Variants in MGLL observed in about 807,000 individuals in gnomAD.
MGLL encodes lysophospholipase homolog.
MGLL carries 7 observed loss-of-function variants against 29.1 expected under a neutral mutation model. The ratio of observed to expected loss-of-function variants is 0.24; its 90% CI spans 0.14 to 0.45. The LOEUF (loss-of-function observed/expected upper bound fraction) is 0.45. Ranked by LOEUF, MGLL falls within the 20% of genes least tolerant of loss-of-function variation. MGLL has a pLI of 0.99. For missense variants in MGLL, 356 were observed against 413.6 expected (o/e 0.86, Z 1.21); for synonymous variants, 148 against 168.3 (o/e 0.88, Z 0.93).
intron 3 of MGLL, among the ~76,000 whole-genome samples, chr3:127,777,397 T>C (rs1344620061): frequency 6.6e-6 from 1 of 152,224 alleles, no homozygotes; most frequent in Non-Finnish European, 1.5e-5. Context: ...CAGAAGTTTC[T>C]GTTGTTTGGG....
chr3:127,730,906 G>T (rs1325631598), intron 3 of MGLL, among the ~76,000 whole-genome samples: 1 of 152,212 alleles, frequency 6.6e-6, no homozygotes, highest in East Asian at 1.9e-4. Flanking sequence ...GCCCATGTCT[G>T]CCAGGGCCGT....
chr3:127,814,489 G>C (rs1252239739), intron 2 of MGLL, among the ~76,000 whole-genome samples: 2 of 152,218 alleles, frequency 1.3e-5, no homozygotes, highest in Non-Finnish European at 2.9e-5. Flanking sequence ...TGTATACAAT[G>C]ACCAATAGTT....
intron 7 of MGLL, among the ~76,000 whole-genome samples, chr3:127,693,423 G>A (rs1362174651): frequency 2.6e-5 from 4 of 152,246 alleles, no homozygotes; most frequent in Non-Finnish European, 5.9e-5. Context: ...AAGAGAAGAA[G>A]TTTAGACTTC....
chr3:127,800,901 G>A (rs190864510), intron 2 of MGLL, among the ~76,000 whole-genome samples: 1 of 152,266 alleles, frequency 6.6e-6, no homozygotes, highest in East Asian at 1.9e-4. Flanking sequence ...TCAGAGTCCC[G>A]TAGAGCTCAC....
intron 2 of MGLL, among the ~76,000 whole-genome samples, chr3:127,807,018 T>C (rs575515365): frequency 1.2e-3 from 181 of 152,388 alleles, no homozygotes; most frequent in African/African-American, 4.2e-3. Context: ...TAGAATAAGT[T>C]GGGAAGTGTT....
At chr3:127,763,216 C>T (rs1354018857) in intron 3 of MGLL, among the ~76,000 whole-genome samples, 3 of 152,182 alleles carry the variant, frequency 2.0e-5, no homozygotes, top group Non-Finnish European at 2.9e-5. Flanking sequence ...GCCCCAGCAG[C>T]CAGGGGACAG....
At chr3:127,816,219 C>T (rs989354574) in intron 2 of MGLL, among the ~76,000 whole-genome samples, 4 of 152,176 alleles carry the variant, frequency 2.6e-5, no homozygotes, top group African/African-American at 7.2e-5. Flanking sequence ...TCAGCAGCTG[C>T]GGCCTGGGGA....
At chr3:127,802,831 G>A (rs1475948506) in intron 2 of MGLL, among the ~76,000 whole-genome samples, 1 of 152,198 alleles carries the variant, frequency 6.6e-6, no homozygotes, top group Non-Finnish European at 1.5e-5. Flanking sequence ...TCTGTGGAAG[G>A]CACATGGTGT....
intron 2 of MGLL, among the ~76,000 whole-genome samples, chr3:127,810,010 G>A (rs533188125): frequency 6.6e-6 from 1 of 151,174 alleles, no homozygotes; most frequent in Non-Finnish European, 1.5e-5. Context: ...GGACTAGACT[G>A]TAAACAATTA....
At chr3:127,732,968 G>A (rs1376737774) in intron 3 of MGLL, among the ~76,000 whole-genome samples, 7 of 152,150 alleles carry the variant, frequency 4.6e-5, no homozygotes, top group East Asian at 1.9e-4. Context: ...TGCCAGAGGC[G>A]TTTGAACCAG....
intron 6 of MGLL, 66 bp downstream of exon 6, chr3:127,710,510 C>G: frequency 1.4e-6 from 2 of 1,386,536 alleles, no homozygotes; most frequent in South Asian, 2.5e-5. Context: ...AGGCTGGAGC[C>G]AAAACTCTGA....
chr3:127,802,629 C>T (rs76530220), intron 2 of MGLL, among the ~76,000 whole-genome samples: 1 of 152,252 alleles, frequency 6.6e-6, no homozygotes, highest in East Asian at 1.9e-4. Flanking sequence ...TATTTTTAAT[C>T]GAAAAGCAGT....
At chr3:127,699,804 A>T (rs2075443493) in intron 6 of MGLL, among the ~76,000 whole-genome samples, 1 of 152,200 alleles carries the variant, frequency 6.6e-6, no homozygotes, top group African/African-American at 2.4e-5. Flanking sequence ...GATGGGCCTG[A>T]CAGATGGTGA....
At chr3:127,716,864 C>T (rs142297053) in intron 5 of MGLL, among the ~76,000 whole-genome samples, 1,601 of 152,240 alleles carry the variant, frequency 0.011, 43 homozygotes, top group African/African-American at 0.037. Flanking sequence ...TCAGGGTTGC[C>T]CCAGATTTTC....
At chr3:127,697,193 G>A (rs533511900) in intron 6 of MGLL, among the ~76,000 whole-genome samples, 1 of 152,246 alleles carries the variant, frequency 6.6e-6, no homozygotes, top group Admixed American at 6.5e-5. Flanking sequence ...CCAACCACAG[G>A]GGGTGCTTCC....
At chr3:127,741,591 G>A (rs1240461099) in intron 3 of MGLL, among the ~76,000 whole-genome samples, 3 of 152,236 alleles carry the variant, frequency 2.0e-5, no homozygotes, top group East Asian at 1.9e-4. Context: ...AGTCACAGAT[G>A]AGCCTTCCAG....
chr3:127,820,123 A>G (rs916852888), intron 2 of MGLL, among the ~76,000 whole-genome samples: 1 of 152,118 alleles, frequency 6.6e-6, no homozygotes, highest in African/African-American at 2.4e-5. Flanking sequence ...GTTTCTTCCA[A>G]ATTCTGGGGC....
intron 2 of MGLL, among the ~76,000 whole-genome samples, chr3:127,795,481 C>A (rs2077368513): frequency 1.3e-5 from 2 of 152,058 alleles, no homozygotes; most frequent in East Asian, 3.9e-4. Context: ...ATCAGTCATA[C>A]CCCAAACTCA....
chr3:127,777,401 G>T (rs556392593), intron 3 of MGLL, among the ~76,000 whole-genome samples: 1 of 152,346 alleles, frequency 6.6e-6, no homozygotes, highest in Admixed American at 6.5e-5. Flanking sequence ...AGTTTCTGTT[G>T]TTTGGGTCAG....
Sources: gnomAD v4.1 joint callset for allele counts (sites outside exome capture counted in the v4.1 genomes callset) on GRCh38, gnomAD v4.1.1 for gene constraint, MANE v1.5 for transcripts, NCBI Gene and HGNC (gene_info 2026-07-23, HGNC 2026-07-21) for gene names.